PPP1R16B: variants seen among roughly 807,000 people sequenced by gnomAD.
PPP1R16B encodes the protein protein phosphatase 1 regulatory inhibitor subunit 16B.
A neutral mutation model predicts 61.7 loss-of-function variants in PPP1R16B; 14 were observed. The ratio of observed to expected loss-of-function variants is 0.23; its 90% CI spans 0.15 to 0.35. The LOEUF (loss-of-function observed/expected upper bound fraction) is 0.35, where lower values mean the gene tolerates loss of function less well. Among genes scored for constraint, PPP1R16B ranks in the 10% least tolerant of loss-of-function variants. PPP1R16B has a pLI of 1.00. For synonymous variants in PPP1R16B, 266 were observed against 305.3 expected (o/e 0.87, Z 1.34); for missense variants, 547 against 752.5 (o/e 0.73, Z 3.19).
At chr20:38,895,749 C>A (rs1205012878) in intron 4 of PPP1R16B, 39 bp downstream of exon 4, 2 of 1,540,280 alleles carry the variant, frequency 1.3e-6, no homozygotes, top group African/African-American at 2.8e-5. Flanking sequence ...CCTCCCTCCA[C>A]CTCTTGTCTT....
intron 1 of PPP1R16B, among the ~76,000 whole-genome samples, chr20:38,807,276 G>T (rs2084668820): frequency 6.6e-6 from 1 of 152,238 alleles, no homozygotes; most frequent in Admixed American, 6.5e-5. Flanking sequence ...CTGTCTACTC[G>T]TGGGCAAGGT....
intron 5 of PPP1R16B, among the ~76,000 whole-genome samples, chr20:38,901,204 C>T (rs2085391680): frequency 6.6e-6 from 1 of 152,154 alleles, no homozygotes; most frequent in Non-Finnish European, 1.5e-5. Flanking sequence ...CTCTGAAGCG[C>T]CACCTCCTTG....
intron 1 of PPP1R16B, among the ~76,000 whole-genome samples, chr20:38,810,788 C>T (rs941395627): frequency 6.6e-6 from 1 of 152,184 alleles, no homozygotes; most frequent in Admixed American, 6.5e-5. Context: ...GAGGGAGAAA[C>T]CGAGGCACAG....
intron 2 of PPP1R16B, among the ~76,000 whole-genome samples, chr20:38,865,397 C>G (rs978790330): frequency 6.6e-6 from 1 of 151,982 alleles, no homozygotes; most frequent in Non-Finnish European, 1.5e-5. Context: ...TCACGCCATT[C>G]TCCTGCCTCA....
rs753718834 is a variant in PPP1R16B at position 38,908,148 on chromosome 20, C to CGGG, written c.1151_1153dup (p.Gly384dup). 8.1e-6 allele frequency: 13 copies of CGGG among 1,614,108 alleles called. No individual in the cohort carries two copies. The South Asian group carries it at 1.2e-4, about 15-fold the overall frequency. The stretch of plus-strand genomic sequence containing the variant: ...AGGATCAGCGGACCTCCACCTACAA[C>CGGG]GGGGACATCAGGGAGACCAGGACAG... On this transcript the variant is annotated inframe_insertion, in exon 10 of 11. Coordinates refer to ENST00000299824, the MANE Select transcript of PPP1R16B (RefSeq NM_015568.4).
intron 2 of PPP1R16B, among the ~76,000 whole-genome samples, chr20:38,863,781 T>C (rs1002120494): frequency 6.6e-6 from 1 of 152,236 alleles, no homozygotes; most frequent in African/African-American, 2.4e-5. Context: ...CCAGATGAGA[T>C]GAAGGTTTTC....
chr20:38,827,960 G>T (rs2084814670), intron 1 of PPP1R16B, among the ~76,000 whole-genome samples: 2 of 152,184 alleles, frequency 1.3e-5, no homozygotes, highest in Non-Finnish European at 2.9e-5. Flanking sequence ...GGAAACACAA[G>T]GAGAAAAGGA....
intron 2 of PPP1R16B, among the ~76,000 whole-genome samples, chr20:38,847,247 G>A (rs1316656875): frequency 6.6e-6 from 1 of 152,198 alleles, no homozygotes; most frequent in East Asian, 1.9e-4. Flanking sequence ...TTGATATATG[G>A]AAAATAGTCC....
intron 2 of PPP1R16B, among the ~76,000 whole-genome samples, chr20:38,836,992 C>A (rs1224737258): frequency 6.6e-6 from 1 of 152,238 alleles, no homozygotes; most frequent in African/African-American, 2.4e-5. Context: ...GGTTTCTCCC[C>A]ACCAAAAGCT....
At chr20:38,874,794 G>C (rs747943568) in intron 2 of PPP1R16B, among the ~76,000 whole-genome samples, 21 of 152,196 alleles carry the variant, frequency 1.4e-4, no homozygotes, top group Non-Finnish European at 1.2e-4. Context: ...TGGGTCAAGT[G>C]TGGGGGTATT....
chr20:38,861,429 G>A (rs2085049800), intron 2 of PPP1R16B, among the ~76,000 whole-genome samples: 2 of 152,208 alleles, frequency 1.3e-5, no homozygotes, highest in Non-Finnish European at 2.9e-5. Flanking sequence ...GGAGAGCCAA[G>A]ACTCCTGTGT....
intron 10 of PPP1R16B, among the ~76,000 whole-genome samples, chr20:38,915,153 A>G (rs1235489181): frequency 6.6e-6 from 1 of 152,196 alleles, no homozygotes; most frequent in African/African-American, 2.4e-5. Context: ...TTGATACATT[A>G]TTATGAACTA....
At chr20:38,807,413 G>A (rs1234400571) in intron 1 of PPP1R16B, among the ~76,000 whole-genome samples, 4 of 152,208 alleles carry the variant, frequency 2.6e-5, no homozygotes, top group Non-Finnish European at 5.9e-5. Context: ...AATACTGGCC[G>A]CCCTCGGGAT....
At chr20:38,812,078 G>C (rs1193728163) in intron 1 of PPP1R16B, among the ~76,000 whole-genome samples, 1 of 152,182 alleles carries the variant, frequency 6.6e-6, no homozygotes, top group Non-Finnish European at 1.5e-5. Context: ...ATTTTGAATA[G>C]GCAGAAGAGA....
At chr20:38,904,327 C>T (rs1393781431) in intron 6 of PPP1R16B, among the ~76,000 whole-genome samples, 1 of 152,210 alleles carries the variant, frequency 6.6e-6, no homozygotes, top group Non-Finnish European at 1.5e-5. Context: ...GGCCCCACCC[C>T]CATGGGCTGG....
In PPP1R16B at chr20:38,836,058, C is replaced by A. The variant is rs1237856943; in HGVS notation, c.133C>A (p.Gln45Lys). 1 of 1,610,408 alleles carries A rather than the reference C, an allele frequency of 6.2e-7. No individual in the cohort carries two copies. The highest frequency in any genetic ancestry group is 8.5e-7 in the Non-Finnish European group (1 of 1,179,054). The change falls in exon 2 of 11, where the codon CAG (glutamine) becomes AAG (lysine). Residue 45 changes from glutamine (Q) to lysine (K), a missense_variant. By Grantham distance (53) the Gln-to-Lys change is moderately conservative. Transcript: ENST00000299824. ...KKWAQYEQDL[Q>K]HRKRKHERKR... is the part of the protein sequence containing the mutation. ...ATGGGCACAGTACGAGCAGGACTTG[C>A]AGCACCGCAAGCGAAAGCATGAGCG...
intron 1 of PPP1R16B, among the ~76,000 whole-genome samples, chr20:38,824,792 G>A (rs564247972): frequency 6.6e-6 from 1 of 152,374 alleles, no homozygotes; most frequent in East Asian, 1.9e-4. Flanking sequence ...ACTTTGTGAG[G>A]CAAAGATGGA....
chr20:38,814,416 C>G (rs1287212444), intron 1 of PPP1R16B, among the ~76,000 whole-genome samples: 1 of 152,126 alleles, frequency 6.6e-6, no homozygotes, highest in Admixed American at 6.5e-5. Flanking sequence ...CCTCCAGCAC[C>G]TACTGCAACC....
chr20:38,857,177 G>T (rs1341029125), intron 2 of PPP1R16B, among the ~76,000 whole-genome samples: 2 of 152,198 alleles, frequency 1.3e-5, no homozygotes, highest in Non-Finnish European at 2.9e-5. Context: ...AGTCCACAGT[G>T]AATTTCCATT....
Sources: allele counts gnomAD v4.1 joint callset (sites outside exome capture counted in the v4.1 genomes callset), GRCh38; gene constraint gnomAD v4.1.1; transcripts MANE v1.5; gene names NCBI Gene and HGNC (gene_info 2026-07-23, HGNC 2026-07-21).